The following TTI1 variants were observed in gnomAD, a reference collection of about 807,000 sequenced individuals.
TTI1 encodes the protein TELO2 interacting protein 1, also known as TELO2-interacting protein 1 homolog.
In TTI1, 52 loss-of-function variants were observed where a neutral mutation model predicts 85.4. That is an observed-to-expected ratio of 0.61 (90% CI 0.49 to 0.77). The LOEUF (loss-of-function observed/expected upper bound fraction) is 0.77, where lower values mean the gene tolerates loss of function less well. Among genes scored for constraint, TTI1 ranks in the 30% least tolerant of loss-of-function variants. The pLI is 0.00. For synonymous variants in TTI1, 512 were observed against 503.9 expected (o/e 1.02, Z -0.22); for missense variants, 1,173 against 1,296.0 (o/e 0.91, Z 1.46).
In TTI1 at chr20:38,012,608, C is replaced by T. The variant is rs1442811915; in HGVS notation, c.1209G>A (p.Leu403=). The T allele has an allele frequency of 2.5e-6, 4 of 1,614,152 alleles. No homozygotes were observed. Among genetic ancestry groups the T allele is most frequent in the Non-Finnish European group, 3.4e-6 (4 of 1,180,038 alleles). Residue 403 remains leucine, a synonymous_variant, in exon 2 of 8, where the codon TTG becomes TTA. Transcript: ENST00000373447. ...CCAAGAGTTTCAGATAACCAAGTAACAAGGAAAGAGTAGAGAATTTGCCCT... is the reference window on the plus strand; with the variant it reads ...CCAAGAGTTTCAGATAACCAAGTAATAAGGAAAGAGTAGAGAATTTGCCCT... The part of the protein sequence containing the change: ...DDQGKFSTLS[L]LLGYLKLLGP...
In TTI1 at chr20:37,983,645, G is replaced by A. The variant is rs1005933186; in HGVS notation, c.3087-6C>T. The A allele has an allele frequency of 2.6e-6, 4 of 1,510,748 alleles. No homozygotes were observed. The highest frequency in any genetic ancestry group is 1.8e-4 in the Middle Eastern group (1 of 5,606). The allele number at this position is 1,510,748 out of a possible 1,614,324, so 93.6% of individuals were successfully genotyped here. On this transcript the variant is annotated splice_polypyrimidine_tract_variant and splice_region_variant and intron_variant, in intron 7 of 7. Coordinates refer to ENST00000373447, the MANE Select transcript of TTI1 (RefSeq NM_001303457.2). ...TCATCAAGTGGAGGAAGACGCTGTG[G>A]AGAGATGGAAAGGAGTGAGTAGAGG...
chr20:38,008,597 A>C (rs1177547405), intron 2 of TTI1, among the ~76,000 whole-genome samples: 1 of 152,192 alleles, frequency 6.6e-6, no homozygotes, highest in African/African-American at 2.4e-5. Flanking sequence ...TTACCGTGGC[A>C]CCTAATGCTT....
At chr20:37,996,608 A>C (rs2122509974) in intron 6 of TTI1, 141 bp downstream of exon 6, 1 of 1,391,628 alleles carries the variant, frequency 7.2e-7, no homozygotes, top group Middle Eastern at 2.1e-4. Context: ...CATCAAGATA[A>C]ATGGACAAAT....
intron 1 of TTI1, among the ~76,000 whole-genome samples, chr20:38,028,753 G>A (rs1489790901): frequency 6.6e-6 from 1 of 152,092 alleles, no homozygotes; most frequent in East Asian, 1.9e-4. Context: ...CTATTGCTCA[G>A]GCTGCAGTGC....
chr20:38,008,709 T>C (rs2073536938), intron 2 of TTI1, among the ~76,000 whole-genome samples: 1 of 152,194 alleles, frequency 6.6e-6, no homozygotes, highest in Non-Finnish European at 1.5e-5. Flanking sequence ...TGAGAACACA[T>C]TTCCACACCC....
intron 4 of TTI1, 137 bp downstream of exon 4, chr20:38,002,491 T>G: frequency 8.8e-7 from 1 of 1,140,010 alleles, no homozygotes; most frequent in Non-Finnish European, 1.2e-6. Flanking sequence ...ACAAATTCCT[T>G]TTGATGCCTT....
intron 5 of TTI1, among the ~76,000 whole-genome samples, chr20:37,997,351 C>A (rs1009531749): frequency 1.3e-5 from 2 of 152,040 alleles, no homozygotes; most frequent in African/African-American, 4.8e-5. Flanking sequence ...TAAACTCTAG[C>A]TAGCTGAGCA....
At chr20:38,023,813 T>C (rs2073800671) in intron 1 of TTI1, among the ~76,000 whole-genome samples, 1 of 152,238 alleles carries the variant, frequency 6.6e-6, no homozygotes, top group South Asian at 2.1e-4. Flanking sequence ...CCTTAGCATA[T>C]ACTATTTGCC....
intron 4 of TTI1, among the ~76,000 whole-genome samples, chr20:38,002,356 G>A (rs151299756): frequency 3.3e-5 from 5 of 152,302 alleles, no homozygotes; most frequent in African/African-American, 1.2e-4. Flanking sequence ...CCTTTCCAAA[G>A]CACATGGCTT....
At chr20:38,026,166 ATT>A (rs932120238) in intron 1 of TTI1, among the ~76,000 whole-genome samples, 1 of 148,694 alleles carries the variant, frequency 6.7e-6, no homozygotes, top group African/African-American at 2.5e-5. Context: ...GGAAGAAACA[ATT>A]TTTTTTTTTG....
chr20:38,003,083 CCT>C (rs2073448805), intron 3 of TTI1, among the ~76,000 whole-genome samples: 1 of 152,176 alleles, frequency 6.6e-6, no homozygotes, highest in South Asian at 2.1e-4. Flanking sequence ...ACCTCAGCCT[CCT>C]GAGTGGCTAG....
intron 1 of TTI1, among the ~76,000 whole-genome samples, chr20:38,020,284 G>C (rs1218775549): frequency 8.0e-6 from 1 of 125,404 alleles, no homozygotes; most frequent in Non-Finnish European, 1.6e-5. Flanking sequence ...TCAATTAAAG[G>C]TGCTATGTCA....
At chr20:38,027,880 C>T (rs1003544640) in intron 1 of TTI1, among the ~76,000 whole-genome samples, 5 of 151,946 alleles carry the variant, frequency 3.3e-5, no homozygotes, top group African/African-American at 1.2e-4. Flanking sequence ...GCCAAGATCG[C>T]ACCATTGAAC....
At chr20:38,005,194 AAG>A (rs2073478704) in intron 3 of TTI1, among the ~76,000 whole-genome samples, 1 of 152,220 alleles carries the variant, frequency 6.6e-6, no homozygotes, top group Non-Finnish European at 1.5e-5. Flanking sequence ...GAAAAAGAAA[AAG>A]AAACGTTTTA....
rs1486697462 is a variant in TTI1, at chr20:38,012,464, C to A, written c.1353G>T (p.Trp451Cys). Residue 451 changes from tryptophan (W) to cysteine (C), a missense_variant, in exon 2 of 8, where the codon TGG becomes TGT. Coordinates refer to ENST00000373447, the MANE Select transcript of TTI1 (RefSeq NM_001303457.2). ...GAGAAGCATTCAGATCATCAGAGTT[C>A]CAACGCCGTTCCTCAACAATCTTGA... ...ADIKIVEERR[W>C]NSDDLNASPK... 1 of 1,614,190 alleles carries A rather than the reference C, an allele frequency of 6.2e-7. No individual in the cohort carries two copies. Among genetic ancestry groups the A allele is most frequent in the East Asian group, 2.2e-5 (1 of 44,886 alleles).
At position 38,013,168 on chromosome 20, in the gene TTI1, G is replaced by A; in HGVS notation, c.649C>T (p.Leu217=). 3.7e-6 allele frequency: 6 copies of A among 1,614,160 alleles called. No homozygotes were observed. The highest frequency in any genetic ancestry group is 5.1e-6 in the Non-Finnish European group (6 of 1,180,044). Residue 217 remains leucine (L), a synonymous_variant, in exon 2 of 8, where the codon CTG becomes TTG. Coordinates refer to ENST00000373447, the MANE Select transcript of TTI1 (RefSeq NM_001303457.2). ...ASFLPGISTA[L]TRLITGDFKQ... is the part of the protein sequence containing the mutation. ...AAGTCTCCTGTGATAAGCCTGGTCA[G>A]TGCAGTTGAGATTCCAGGTAAAAAA...
chr20:37,999,484 G>GGACAC (rs1333565888), intron 4 of TTI1, among the ~76,000 whole-genome samples, 156 bp from the exon 5 acceptor site: 4 of 152,308 alleles, frequency 2.6e-5, no homozygotes, highest in African/African-American at 9.6e-5. Context: ...GGTACTGAGG[G>GGACAC]GACACACAGA....
At chr20:38,004,201 T>C (rs1026414510) in intron 3 of TTI1, among the ~76,000 whole-genome samples, 4 of 152,188 alleles carry the variant, frequency 2.6e-5, no homozygotes, top group Non-Finnish European at 5.9e-5. Context: ...TAGATGTAAG[T>C]TTGTAAACGG....
chr20:38,013,569 G>C lies in TTI1; in HGVS notation c.248C>G (p.Ser83Cys). 1.2e-6 allele frequency: 2 copies of C among 1,614,228 alleles called. No homozygotes were observed. Among genetic ancestry groups the C allele is most frequent in the Non-Finnish European group, 1.7e-6 (2 of 1,180,034 alleles). Reference protein sequence around the residue: ...SVVECLTFVLSSTCVKEQELL... With the variant: ...SVVECLTFVLCSTCVKEQELL... ...CTCCTGTTCTTTCACACATGTTGAA[G>C]AAAGGACAAATGTGAGGCATTCCAC... The change falls in exon 2 of 8, where the codon TCT (serine) becomes TGT (cysteine). Residue 83 changes from serine to cysteine, a missense_variant. Ser to Cys is a moderately radical substitution (Grantham distance 112). Coordinates refer to ENST00000373447, the MANE Select transcript of TTI1 (RefSeq NM_001303457.2).
Sources: gnomAD v4.1 joint callset for allele counts (sites outside exome capture counted in the v4.1 genomes callset) on GRCh38, gnomAD v4.1.1 for gene constraint, MANE v1.5 for transcripts, NCBI Gene and HGNC (gene_info 2026-07-23, HGNC 2026-07-21) for gene names.